GNA14: variants seen among roughly 807,000 people sequenced by gnomAD.
The protein encoded by GNA14 is guanine nucleotide-binding protein subunit alpha-14.
GNA14 carries 50 observed loss-of-function variants against 42.0 expected under a neutral mutation model. That is an observed-to-expected ratio of 1.19 (90% CI 0.95 to 1.51). The LOEUF (loss-of-function observed/expected upper bound fraction) is 1.51, where lower values mean the gene tolerates loss of function less well. Ranked by LOEUF, GNA14 falls within the 40% of genes most tolerant of loss-of-function variation. The probability of loss-of-function intolerance (pLI) is 0.00; values close to 1 mark genes in which losing one functional copy is unlikely to be tolerated. For synonymous variants in GNA14, 173 were observed against 163.1 expected (o/e 1.06, Z -0.46); for missense variants, 473 against 446.2 (o/e 1.06, Z -0.54).
intron 2 of GNA14, among the ~76,000 whole-genome samples, chr9:77,514,693 A>G (rs2026425): frequency 0.2 from 29,743 of 149,640 alleles, 3,214 homozygotes; most frequent in East Asian, 0.42. Context: ...GGCTCACTGC[A>G]AGCTCCGCCT....
chr9:77,477,946 T>A (rs548453024), intron 2 of GNA14, among the ~76,000 whole-genome samples: 1 of 150,154 alleles, frequency 6.7e-6, no homozygotes, highest in South Asian at 2.1e-4. Flanking sequence ...ATTAAAGAAC[T>A]ATCCAGGCAG....
chr9:77,500,674 C>T (rs1836951660), intron 2 of GNA14, among the ~76,000 whole-genome samples: 1 of 152,182 alleles, frequency 6.6e-6, no homozygotes, highest in Non-Finnish European at 1.5e-5. Context: ...TTTGCTGTTC[C>T]AAATATATAC....
intron 2 of GNA14, among the ~76,000 whole-genome samples, chr9:77,493,534 C>A (rs541558695): frequency 1.3e-5 from 2 of 152,246 alleles, no homozygotes; most frequent in Admixed American, 1.3e-4. Context: ...AGTTTATGAA[C>A]AGGACTGTGG....
chr9:77,522,336 T>C (rs141800979), intron 2 of GNA14, among the ~76,000 whole-genome samples: 1 of 152,306 alleles, frequency 6.6e-6, no homozygotes, highest in Non-Finnish European at 1.5e-5. Context: ...GCTGGAACTC[T>C]GGGCATGAGG....
chr9:77,448,863 T>C (rs1304264365), intron 2 of GNA14, among the ~76,000 whole-genome samples: 4 of 152,182 alleles, frequency 2.6e-5, no homozygotes, highest in African/African-American at 9.7e-5. Flanking sequence ...ATTTAATTAG[T>C]GTAAAAAGCA....
intron 1 of GNA14, among the ~76,000 whole-genome samples, chr9:77,611,343 C>T (rs1276337078): frequency 6.6e-6 from 1 of 152,176 alleles, no homozygotes; most frequent in Non-Finnish European, 1.5e-5. Context: ...TGGGCAGGCC[C>T]AGATGGATGC....
intron 1 of GNA14, among the ~76,000 whole-genome samples, chr9:77,561,447 T>C (rs1436138516): frequency 1.3e-5 from 2 of 152,234 alleles, no homozygotes; most frequent in Non-Finnish European, 2.9e-5. Flanking sequence ...TTTCATAGTT[T>C]CATTGTTTTT....
intron 1 of GNA14, among the ~76,000 whole-genome samples, chr9:77,567,856 G>A (rs62573420): frequency 2.0e-5 from 3 of 152,162 alleles, no homozygotes; most frequent in African/African-American, 7.2e-5. Context: ...GACAGAGAGA[G>A]ACTCCGTCTC....
At chr9:77,539,232 T>C (rs2131775153) in intron 1 of GNA14, among the ~76,000 whole-genome samples, 1 of 152,386 alleles carries the variant, frequency 6.6e-6, no homozygotes, top group Middle Eastern at 3.4e-3. Flanking sequence ...TTGAATTTTG[T>C]CAAATGCTCT....
At chr9:77,590,341 T>A (rs962121211) in intron 1 of GNA14, among the ~76,000 whole-genome samples, 22 of 152,244 alleles carry the variant, frequency 1.4e-4, no homozygotes, top group African/African-American at 4.1e-4. Context: ...AGGGGACTGA[T>A]GTGTTCACAT....
At chr9:77,500,192 T>G (rs887064674) in intron 2 of GNA14, among the ~76,000 whole-genome samples, 4 of 151,860 alleles carry the variant, frequency 2.6e-5, no homozygotes, top group Non-Finnish European at 5.9e-5. Context: ...CTGGCTACTT[T>G]TTTTCAGTAG....
rs1735615090 is a variant in GNA14, at chr9:77,452,008, G to T, written c.310-17486C>A. 3.9e-5 allele frequency among the ~76,000 whole-genome samples: 6 copies of T among 152,202 alleles called. No individual in the cohort carries two copies. In the South Asian group the frequency reaches 1.2e-3, roughly 32 times the overall value. On this transcript the variant is annotated intron_variant, in intron 2 of 6. Transcript: ENST00000341700. ...GGAACATTTCACTCAATCTAGTGATGTCCATGCTCACTATGTGCTGGTCTC... is the reference window on the plus strand; with the variant it reads ...GGAACATTTCACTCAATCTAGTGATTTCCATGCTCACTATGTGCTGGTCTC...
chr9:77,525,664 G>A (rs369750557), intron 2 of GNA14, among the ~76,000 whole-genome samples: 5 of 149,500 alleles, frequency 3.3e-5, no homozygotes, highest in South Asian at 2.1e-4. Flanking sequence ...TCAGCCTCCC[G>A]AGTAGCTGGG....
intron 1 of GNA14, among the ~76,000 whole-genome samples, chr9:77,627,548 A>G (rs1198545586): frequency 6.6e-6 from 1 of 152,134 alleles, no homozygotes; most frequent in Non-Finnish European, 1.5e-5. Context: ...ATCCACCACA[A>G]TCAAGTCAGC....
chr9:77,635,799 T>A (rs1402522173), intron 1 of GNA14, among the ~76,000 whole-genome samples: 1 of 152,210 alleles, frequency 6.6e-6, no homozygotes, highest in Non-Finnish European at 1.5e-5. Context: ...CTTCTGCCAA[T>A]TAGCTACTAA....
intron 2 of GNA14, among the ~76,000 whole-genome samples, chr9:77,464,102 G>A (rs747200): frequency 0.11 from 17,209 of 152,030 alleles, 3,016 homozygotes; most frequent in African/African-American, 0.38. Context: ...CTGGGCTCAA[G>A]TCATTGCCCT....
chr9:77,600,754 C>A lies in GNA14; in HGVS notation c.124+46916G>T, dbSNP rs188196078. Among the ~76,000 whole-genome samples, 1,185 of 150,840 alleles carry A rather than the reference C, an allele frequency of 7.9e-3. 12 individuals are homozygous for A. Among genetic ancestry groups the A allele is most frequent in the African/African-American group, 0.028 (1,143 of 40,246 alleles). ...CCAACATGGCAAAACCCTGTCTCTA[C>A]TAAAAAAAACAAAAATTAGCAGGGC... On this transcript the variant is annotated intron_variant, in intron 1 of 6. Coordinates refer to ENST00000341700, the MANE Select transcript of GNA14 (RefSeq NM_004297.4).
chr9:77,529,021 G>A (rs201952918), intron 2 of GNA14, 48 bp downstream of exon 2: 3 of 1,483,546 alleles, frequency 2.0e-6, no homozygotes, highest in African/African-American at 2.8e-5. Flanking sequence ...AACCAGAGTG[G>A]GCAGGCATAC....
intron 2 of GNA14, among the ~76,000 whole-genome samples, chr9:77,523,075 A>G (rs1215788061): frequency 6.6e-6 from 1 of 152,240 alleles, no homozygotes; most frequent in Non-Finnish European, 1.5e-5. Flanking sequence ...AGACAAATCC[A>G]GTCCTCACAC....
Sources: gnomAD v4.1 joint callset for allele counts (sites outside exome capture counted in the v4.1 genomes callset) on GRCh38, gnomAD v4.1.1 for gene constraint, MANE v1.5 for transcripts, NCBI Gene and HGNC (gene_info 2026-07-23, HGNC 2026-07-21) for gene names.